NECTIN3: variants seen among roughly 807,000 people sequenced by gnomAD.
NECTIN3 encodes the protein nectin cell adhesion molecule 3.
A neutral mutation model predicts 49.4 loss-of-function variants in NECTIN3; 8 were observed. The ratio of observed to expected loss-of-function variants is 0.16; its 90% CI spans 0.10 to 0.29. NECTIN3 has a LOEUF of 0.29. Among genes scored for constraint, NECTIN3 ranks in the 10% least tolerant of loss-of-function variants. The pLI, the probability that NECTIN3 is intolerant of heterozygous loss-of-function variation, is 1.00. For synonymous variants in NECTIN3, 277 were observed against 241.1 expected (o/e 1.15, Z -1.38); for missense variants, 581 against 654.6 (o/e 0.89, Z 1.23).
At chr3:111,157,098 A>G (rs911949788) in intron 7 of NECTIN3, among the ~76,000 whole-genome samples, 2 of 152,148 alleles carry the variant, frequency 1.3e-5, no homozygotes, top group African/African-American at 4.8e-5. Context: ...AATTCAGACT[A>G]AACAGCATTT....
chr3:111,142,284 A>T (rs1351048), downstream of NECTIN3, among the ~76,000 whole-genome samples: 8,947 of 151,944 alleles, frequency 0.059, 866 homozygotes, highest in African/African-American at 0.2. Context: ...AAAGTAGATT[A>T]TCTAGTGGGG....
intron 2 of NECTIN3, among the ~76,000 whole-genome samples, chr3:111,113,207 T>C (rs2033547514): frequency 6.6e-6 from 1 of 152,158 alleles, no homozygotes; most frequent in Non-Finnish European, 1.5e-5. Context: ...AAGCTCTTCT[T>C]GGGGCCAGTG....
intron 5 of NECTIN3, among the ~76,000 whole-genome samples, chr3:111,129,652 A>C (rs566144317): frequency 6.6e-6 from 1 of 150,468 alleles, no homozygotes; most frequent in South Asian, 2.1e-4. Context: ...TATATGAGAT[A>C]ATTTTTTTTT....
chr3:111,168,906 T>C (rs1439737899), intron 7 of NECTIN3, among the ~76,000 whole-genome samples: 1 of 152,166 alleles, frequency 6.6e-6, no homozygotes, highest in African/African-American at 2.4e-5. Flanking sequence ...TAAAAATCTA[T>C]ATCATTTAGC....
At chr3:111,126,634 A>C (rs2034172965) in intron 5 of NECTIN3, among the ~76,000 whole-genome samples, 1 of 152,114 alleles carries the variant, frequency 6.6e-6, no homozygotes, top group Admixed American at 6.5e-5. Flanking sequence ...ACATAGTATG[A>C]CTTTCTAGAT....
At chr3:111,192,524 G>T in intron 1 of NECTIN3, 2 of 1,084,460 alleles carry the variant, frequency 1.8e-6, no homozygotes, top group South Asian at 3.1e-5. Context: ...TCCCCTATTT[G>T]AGTGTCTCTG....
At chr3:111,110,755 A>G (rs965571703) in intron 1 of NECTIN3, among the ~76,000 whole-genome samples, 1 of 152,016 alleles carries the variant, frequency 6.6e-6, no homozygotes, top group African/African-American at 2.4e-5. Context: ...TGAAACTTAA[A>G]TTCGTAGCTG....
At chr3:111,183,466 C>T (rs1228698182) in intron 7 of NECTIN3, among the ~76,000 whole-genome samples, 1 of 152,022 alleles carries the variant, frequency 6.6e-6, no homozygotes, top group African/African-American at 2.4e-5. Context: ...CGCCCGCCAC[C>T]ACACCTGGCT....
At chr3:111,155,101 C>A (rs1050797714) in intron 7 of NECTIN3, among the ~76,000 whole-genome samples, 3 of 152,128 alleles carry the variant, frequency 2.0e-5, no homozygotes, top group Admixed American at 2.0e-4. Flanking sequence ...CCAGGCCCAG[C>A]TAATTTTTGT....
At chr3:111,158,083 C>A (rs2035133860) in intron 7 of NECTIN3, among the ~76,000 whole-genome samples, 2 of 151,954 alleles carry the variant, frequency 1.3e-5, no homozygotes, top group Admixed American at 6.6e-5. Context: ...ACAAGATTTT[C>A]TTCTTGAAAA....
intron 7 of NECTIN3, among the ~76,000 whole-genome samples, chr3:111,170,822 A>G (rs2035420369): frequency 6.6e-6 from 1 of 152,168 alleles, no homozygotes; most frequent in African/African-American, 2.4e-5. Flanking sequence ...AGGGATTGCT[A>G]AAACACAGAT....
chr3:111,127,973 T>G (rs2034233784), intron 5 of NECTIN3, among the ~76,000 whole-genome samples: 1 of 152,156 alleles, frequency 6.6e-6, no homozygotes, highest in Non-Finnish European at 1.5e-5. Flanking sequence ...TTTATTTTGT[T>G]TCTGTTGTAC....
intron 5 of NECTIN3, among the ~76,000 whole-genome samples, chr3:111,131,841 T>G (rs1440042403): frequency 6.6e-6 from 1 of 151,862 alleles, no homozygotes; most frequent in African/African-American, 2.4e-5. Context: ...CATGAAAAAC[T>G]TTAAAACTCT....
At chr3:111,185,997 C>T (rs1471104802) in intron 7 of NECTIN3, among the ~76,000 whole-genome samples, 2 of 152,068 alleles carry the variant, frequency 1.3e-5, no homozygotes, top group Admixed American at 1.3e-4. Flanking sequence ...TTCTAAGGCA[C>T]GAGACCAGAA....
rs915205184 is a variant in NECTIN3, at chr3:111,159,572, C to A, written c.1221+12088C>A. Among the ~76,000 whole-genome samples the A allele has an allele frequency of 4.6e-5, 7 of 152,190 alleles. No individual in the cohort carries two copies. In the South Asian group the frequency reaches 8.3e-4, roughly 18 times the overall value. ...ACAAGGGAGAGAGTTGTCAGGGCAG[C>A]ACATGGCAAGTGTGAGTCATTGACC... On this transcript the variant is annotated intron_variant, in intron 7 of 8. Coordinates refer to the NECTIN3 transcript ENST00000493615.
In NECTIN3 at chr3:111,071,845, T is replaced by A; in HGVS notation, c.-173T>A. On this transcript the variant is annotated 5_prime_UTR_variant, in exon 1 of 6. Coordinates refer to ENST00000485303, the MANE Select transcript of NECTIN3 (RefSeq NM_015480.3). ...TCGGCAGTGGCGTCGGCGACGGCGG[T>A]GTCGAGGCAGCCGCCAGCGTTCGGC... 1 of 397,148 alleles carries A rather than the reference T, an allele frequency of 2.5e-6. No individual in the cohort carries two copies. The highest frequency in any genetic ancestry group is 4.3e-6 in the Non-Finnish European group (1 of 233,114). 24.6% of individuals were successfully genotyped at this position (397,148 alleles called of 1,614,324 possible). A position where few individuals can be genotyped will look rare whatever the true frequency, so the allele number is the denominator to read the frequency against.
chr3:111,101,765 A>C (rs1454130928), intron 1 of NECTIN3, among the ~76,000 whole-genome samples: 1 of 152,224 alleles, frequency 6.6e-6, no homozygotes, highest in East Asian at 1.9e-4. Flanking sequence ...CTGAGACAGT[A>C]CTGTTTTAGA....
chr3:111,113,342 C>T (rs973672106), intron 2 of NECTIN3, among the ~76,000 whole-genome samples: 4 of 152,124 alleles, frequency 2.6e-5, no homozygotes, highest in African/African-American at 9.7e-5. Context: ...TTCATTCTTC[C>T]TTCTCCCTTT....
intron 7 of NECTIN3, among the ~76,000 whole-genome samples, chr3:111,158,504 AC>A (rs1242145267): frequency 1.3e-5 from 2 of 152,146 alleles, no homozygotes; most frequent in Non-Finnish European, 2.9e-5. Flanking sequence ...TCCCATGGAA[AC>A]CACAAATACC....
Sources: gnomAD v4.1 joint callset for allele counts (sites outside exome capture counted in the v4.1 genomes callset) on GRCh38, gnomAD v4.1.1 for gene constraint, MANE v1.5 for transcripts, NCBI Gene and HGNC (gene_info 2026-07-23, HGNC 2026-07-21) for gene names.